The following PTPRD variants were observed in gnomAD, a reference collection of about 807,000 sequenced individuals.
PTPRD encodes protein tyrosine phosphatase receptor type D.
Under a neutral mutation model 214.5 loss-of-function variants are expected in PTPRD, and 34 were observed. The observed-to-expected ratio is 0.16, with a 90% CI of 0.12 to 0.21. The LOEUF is 0.21. Ranked by LOEUF, PTPRD falls within the 10% of genes least tolerant of loss-of-function variation. The pLI, the probability that PTPRD is intolerant of heterozygous loss-of-function variation, is 1.00. For synonymous variants in PTPRD, 1,128 were observed against 845.7 expected (o/e 1.33, Z -5.79); for missense variants, 2,545 against 2,398.7 (o/e 1.06, Z -1.27).
intron 7 of PTPRD, among the ~76,000 whole-genome samples, chr9:9,720,794 A>G (rs191544946): frequency 1.5e-4 from 21 of 138,072 alleles, no homozygotes; most frequent in Admixed American, 1.5e-3. Flanking sequence ...TATATACACC[A>G]TGGAATACTA....
chr9:9,455,018 C>T (rs2092788662), intron 8 of PTPRD, among the ~76,000 whole-genome samples: 1 of 151,398 alleles, frequency 6.6e-6, no homozygotes, highest in Non-Finnish European at 1.5e-5. Flanking sequence ...AAAAACAACC[C>T]AAGTATTGCG....
At chr9:10,482,097 C>T (rs13296836) in intron 2 of PTPRD, among the ~76,000 whole-genome samples, 2,010 of 152,216 alleles carry the variant, frequency 0.013, 24 homozygotes, top group Non-Finnish European at 0.022. Context: ...GTTGGCCGGG[C>T]GCGGTGGCTC....
At position 10,394,457 on chromosome 9, in the gene PTPRD, C is replaced by T. The variant is rs796705172; in HGVS notation, c.-599-53440G>A. Among the ~76,000 whole-genome samples, 28 of 151,682 alleles carry T rather than the reference C, an allele frequency of 1.8e-4. 1 individual carries two copies. Among genetic ancestry groups the T allele is most frequent in the African/African-American group, 5.8e-4 (24 of 41,482 alleles). ...AAGGACAAACACTATCACTTAGTAG[C>T]AGTATGATCTTAGCAAAATTTTCTA... On this transcript the variant is annotated intron_variant, in intron 2 of 45. Coordinates refer to ENST00000381196, the MANE Select transcript of PTPRD (RefSeq NM_002839.4).
At chr9:8,502,848 G>GTATATATATATACATATA (rs1554658830) in intron 23 of PTPRD, among the ~76,000 whole-genome samples, 11 of 147,100 alleles carry the variant, frequency 7.5e-5, no homozygotes, top group Admixed American at 3.4e-4. Context: ...ATGTGTGTGT[G>GTATATATATATACATATA]TATATATATA....
At chr9:10,400,933 T>G (rs938303675) in intron 2 of PTPRD, among the ~76,000 whole-genome samples, 4 of 151,632 alleles carry the variant, frequency 2.6e-5, no homozygotes, top group Non-Finnish European at 5.9e-5. Context: ...CTTTACTCCT[T>G]AAACATATAT....
At chr9:9,021,444 T>A (rs2099569248) in intron 10 of PTPRD, among the ~76,000 whole-genome samples, 3 of 152,314 alleles carry the variant, frequency 2.0e-5, no homozygotes, top group South Asian at 4.1e-4. Context: ...TAATAAATGA[T>A]CAATGGTATT....
At chr9:10,563,473 T>C (rs1161856852) in intron 2 of PTPRD, among the ~76,000 whole-genome samples, 1 of 152,226 alleles carries the variant, frequency 6.6e-6, no homozygotes, top group African/African-American at 2.4e-5. Context: ...TATTTGAGTA[T>C]GGAAACCAGT....
intron 11 of PTPRD, among the ~76,000 whole-genome samples, chr9:8,906,993 A>C (rs1270830897): frequency 1.3e-5 from 2 of 152,098 alleles, no homozygotes; most frequent in African/African-American, 4.8e-5. Flanking sequence ...GTGGAAAGTA[A>C]AAGTTAGGAC....
chr9:9,092,034 C>G (rs957679522), intron 10 of PTPRD, among the ~76,000 whole-genome samples: 5 of 152,154 alleles, frequency 3.3e-5, no homozygotes, highest in Non-Finnish European at 7.4e-5. Flanking sequence ...GAGAGAAAGT[C>G]ATGCCACTTT....
intron 14 of PTPRD, among the ~76,000 whole-genome samples, chr9:8,566,892 G>C (rs1036229491): frequency 1.3e-5 from 2 of 152,054 alleles, no homozygotes; most frequent in Non-Finnish European, 2.9e-5. Flanking sequence ...GGTAGATCTG[G>C]TCATCAGTCC....
At chr9:8,322,268 T>G (rs1829155556) in intron 44 of PTPRD, among the ~76,000 whole-genome samples, 1 of 151,976 alleles carries the variant, frequency 6.6e-6, no homozygotes, top group East Asian at 2.0e-4. Context: ...CGCGTGTATC[T>G]AACTAACTTT....
At chr9:10,571,252 A>C (rs889134942) in intron 2 of PTPRD, among the ~76,000 whole-genome samples, 1 of 152,140 alleles carries the variant, frequency 6.6e-6, no homozygotes, top group African/African-American at 2.4e-5. Context: ...ATACGAAGAA[A>C]ATTAATTTAG....
chr9:9,776,646 A>G (rs535671025), intron 5 of PTPRD, among the ~76,000 whole-genome samples: 32 of 152,348 alleles, frequency 2.1e-4, no homozygotes, highest in Middle Eastern at 3.4e-3. Context: ...AAAAAAAAGA[A>G]CATGCTAGTT....
At chr9:8,628,474 C>T (rs2096125537) in intron 14 of PTPRD, among the ~76,000 whole-genome samples, 1 of 151,748 alleles carries the variant, frequency 6.6e-6, no homozygotes, top group Non-Finnish European at 1.5e-5. Context: ...CAGTAACAGT[C>T]ACCTTCAGGG....
At chr9:10,568,514 T>C (rs918339223) in intron 2 of PTPRD, among the ~76,000 whole-genome samples, 2 of 152,116 alleles carry the variant, frequency 1.3e-5, no homozygotes, top group Admixed American at 6.6e-5. Flanking sequence ...ATGGTATTTC[T>C]AGTTCTAGAT....
At chr9:9,649,150 T>G (rs1364481005) in intron 7 of PTPRD, among the ~76,000 whole-genome samples, 2 of 152,174 alleles carry the variant, frequency 1.3e-5, no homozygotes, top group Admixed American at 6.6e-5. Flanking sequence ...CCATATATCA[T>G]GTAGCCATAT....
chr9:8,531,788 C>T (rs1447854371), intron 14 of PTPRD, among the ~76,000 whole-genome samples: 22 of 152,090 alleles, frequency 1.4e-4, no homozygotes. Context: ...GTGGCAAGTG[C>T]CAAAGGCTTA....
chr9:8,541,997 C>G (rs2078564827), intron 14 of PTPRD, among the ~76,000 whole-genome samples: 1 of 151,922 alleles, frequency 6.6e-6, no homozygotes, highest in African/African-American at 2.4e-5. Flanking sequence ...TGAATGAAAT[C>G]CCTTATCTTT....
At chr9:8,360,271 G>C (rs7045988) in intron 39 of PTPRD, among the ~76,000 whole-genome samples, 2,655 of 152,278 alleles carry the variant, frequency 0.017, 87 homozygotes, top group African/African-American at 0.06. Context: ...TAAACATCTA[G>C]ATGGATTCTA....
Sources: allele counts gnomAD v4.1 joint callset (sites outside exome capture counted in the v4.1 genomes callset), GRCh38; gene constraint gnomAD v4.1.1; transcripts MANE v1.5; gene names NCBI Gene and HGNC (gene_info 2026-07-23, HGNC 2026-07-21).